The following CSAD variants were observed in gnomAD, a reference collection of about 807,000 sequenced individuals.
CSAD encodes the protein cysteine sulfinic acid decarboxylase.
Under a neutral mutation model 61.5 loss-of-function variants are expected in CSAD, and 47 were observed. The ratio of observed to expected loss-of-function variants is 0.76; its 90% CI spans 0.60 to 0.97. CSAD has a LOEUF of 0.97. Among genes scored for constraint, CSAD ranks in the 50% least tolerant of loss-of-function variants. The pLI is 0.00. For synonymous variants in CSAD, 245 were observed against 252.7 expected (o/e 0.97, Z 0.29); for missense variants, 611 against 643.6 (o/e 0.95, Z 0.55).
At chr12:53,169,112 G>T (rs922562155) in intron 10 of CSAD, among the ~76,000 whole-genome samples, 2 of 152,088 alleles carry the variant, frequency 1.3e-5, no homozygotes, top group Non-Finnish European at 2.9e-5. Context: ...CCCGGGAGGT[G>T]GAAGTTGCAG....
In CSAD at chr12:53,179,148, C is replaced by G. The variant is rs571764927; in HGVS notation, c.-90-6G>C. On this transcript the variant is annotated splice_polypyrimidine_tract_variant and splice_region_variant and intron_variant, in intron 1 of 16. Coordinates refer to ENST00000444623, the MANE Select transcript of CSAD (RefSeq NM_001244705.2). ...GATTACAGGTGTGAGCCACCCTGCCCGGAGCAAAAAGATAACTATTTAAGG... is the reference window on the plus strand; with the variant it reads ...GATTACAGGTGTGAGCCACCCTGCCGGGAGCAAAAAGATAACTATTTAAGG... 3 of 152,134 alleles carry G rather than the reference C, an allele frequency of 2.0e-5. No individual in the cohort carries two copies. Among genetic ancestry groups the G allele is most frequent in the East Asian group, 3.9e-4 (2 of 5,194 alleles). 9.4% of individuals were successfully genotyped at this position (152,134 alleles called of 1,614,324 possible).
At position 53,171,348 on chromosome 12, in the gene CSAD, A is replaced by G; in HGVS notation, c.545T>C (p.Leu182Pro). The G allele has an allele frequency of 1.2e-6, 2 of 1,614,084 alleles. No individual in the cohort carries two copies. Among genetic ancestry groups the G allele is most frequent in the Non-Finnish European group, 1.7e-6 (2 of 1,180,006 alleles). ...CACCTCCTTCGATGTGAATAGGGCCAGGGGCGGCAGTGTGCGGAGGCCCCT... is the reference window on the plus strand; with the variant it reads ...CACCTCCTTCGATGTGAATAGGGCCGGGGGCGGCAGTGTGCGGAGGCCCCT... ...KQRGLRTLPP[L>P]ALFTSKECHY... is the part of the protein sequence containing the mutation. The change falls in exon 8 of 17, where the codon CTG (leucine) becomes CCG (proline). Residue 182 changes from leucine (L) to proline (P), a missense_variant. By Grantham distance (98) the Leu-to-Pro change is moderately conservative. Coordinates refer to ENST00000444623, the MANE Select transcript of CSAD (RefSeq NM_001244705.2).
intron 1 of CSAD, chr12:53,179,760 G>A (rs778697531): frequency 1.3e-6 from 2 of 1,598,420 alleles, no homozygotes; most frequent in Non-Finnish European, 1.7e-6. Context: ...CTAAAGTCAC[G>A]ACATAATATC....
At position 53,171,403 on chromosome 12, in the gene CSAD, G is replaced by A. The variant is rs762943499; in HGVS notation, c.490C>T (p.Arg164Cys). The A allele has an allele frequency of 1.3e-5, 21 of 1,613,848 alleles. No individual in the cohort carries two copies. Among genetic ancestry groups the A allele is most frequent in the African/African-American group, 2.7e-5 (2 of 74,930 alleles). ...TTGCAATCCGGGTAGCGCTGATAGC[G>A]GGCCAGATTTACAGCATACATGTTG... The part of the protein sequence containing the change: ...ISNMYAVNLA[R>C]YQRYPDCKQR... Residue 164 changes from arginine to cysteine, a missense_variant, in exon 8 of 17, where the codon CGC (arginine) becomes TGC (cysteine). By Grantham distance (180) the Arg-to-Cys change is radical. Coordinates refer to ENST00000444623, the MANE Select transcript of CSAD (RefSeq NM_001244705.2).
chr12:53,180,742 G>T lies in CSAD; in HGVS notation c.-101C>A, dbSNP rs1033581622. On this transcript the variant is annotated 5_prime_UTR_variant, in exon 1 of 17. Transcript: ENST00000444623. Reference sequence around the variant, plus strand: ...TGTTTGTAAACTTGCCTCGGTCCCGGTGGGGGCAGCCGCGGCGGTGGGGTT... The same window carrying T: ...TGTTTGTAAACTTGCCTCGGTCCCGTTGGGGGCAGCCGCGGCGGTGGGGTT... 7 of 1,265,862 alleles carry T rather than the reference G, an allele frequency of 5.5e-6. No homozygotes were observed. In the African/African-American group the frequency reaches 9.5e-5, roughly 17 times the overall value. 78.4% of individuals were successfully genotyped at this position (1,265,862 alleles called of 1,614,324 possible). A position where few individuals can be genotyped will look rare whatever the true frequency, so the allele number is the denominator to read the frequency against.
Position 53,172,517 on chromosome 12 carries a change from C to A in CSAD, c.253+5G>T, listed in dbSNP as rs752831921. The A allele has an allele frequency of 6.2e-7, 1 of 1,614,128 alleles. No individual in the cohort carries two copies. Among genetic ancestry groups the A allele is most frequent in the Non-Finnish European group, 8.5e-7 (1 of 1,179,998 alleles). ...AGTCTCCTCCTCACAGAAGCCAGGG[C>A]CCACCAGTCTTGACACTGTAGCGAA... On this transcript the variant is annotated splice_donor_5th_base_variant and intron_variant, in intron 5 of 16. Transcript: ENST00000444623.
At position 53,173,462 on chromosome 12, in the gene CSAD, G is replaced by A. The variant is rs1261197302; in HGVS notation, c.9C>T (p.Asp3=). 2.5e-6 allele frequency: 4 copies of A among 1,614,170 alleles called. No homozygotes were observed. Among genetic ancestry groups the A allele is most frequent in the African/African-American group, 2.7e-5 (2 of 75,032 alleles). MA[D]SEALPSLAGD... Reference sequence around the variant, plus strand: ...CAGCAAGGGAGGGGAGTGCTTCTGAGTCAGCCATCAGGATCTGTGGCAGAG... The same window carrying A: ...CAGCAAGGGAGGGGAGTGCTTCTGAATCAGCCATCAGGATCTGTGGCAGAG... The change falls in exon 4 of 17, where the codon GAC becomes GAT. Residue 3 remains aspartate (D), a synonymous_variant. Coordinates refer to ENST00000444623, the MANE Select transcript of CSAD (RefSeq NM_001244705.2).
At position 53,160,211 on chromosome 12, in the gene CSAD, G is replaced by A. The variant is rs199797709; in HGVS notation, c.1075C>T (p.Arg359Cys). 7.4e-5 allele frequency: 120 copies of A among 1,614,056 alleles called. No homozygotes were observed. Among genetic ancestry groups the A allele is most frequent in the Non-Finnish European group, 7.8e-5 (92 of 1,180,040 alleles). Reference sequence around the variant, plus strand: ...AGCCACAGCTTCAGACAGTCCACACGGCGGCCACACTGCACCACCTTGTCT... The same window carrying A: ...AGCCACAGCTTCAGACAGTCCACACAGCGGCCACACTGCACCACCTTGTCT... ...TGDKVVQCGR[R>C]VDCLKLWLMW... The change falls in exon 14 of 17, where the codon CGT becomes TGT. Residue 359 changes from arginine (R) to cysteine (C), a missense_variant. Arg to Cys is a radical substitution (Grantham distance 180). Transcript: ENST00000444623.
intron 10 of CSAD, among the ~76,000 whole-genome samples, chr12:53,162,907 C>T (rs1193383614): frequency 6.6e-6 from 1 of 151,272 alleles, no homozygotes; most frequent in Non-Finnish European, 1.5e-5. Flanking sequence ...ACTAAAAATA[C>T]AAAATTAGCC....
In CSAD at chr12:53,160,237, C is replaced by T. The variant is rs1161950033; in HGVS notation, c.1049G>A (p.Gly350Glu). 3 of 1,614,232 alleles carry T rather than the reference C, an allele frequency of 1.9e-6. No homozygotes were observed. The highest frequency in any genetic ancestry group is 1.7e-6 in the Non-Finnish European group (2 of 1,180,038). ...GCGGCCACACTGCACCACCTTGTCTCCCGTGTCCAGAGCCACATCGTAGAA... is the reference window on the plus strand; with the variant it reads ...GCGGCCACACTGCACCACCTTGTCTTCCGTGTCCAGAGCCACATCGTAGAA... Reference protein sequence around the residue: ...DKFYDVALDTGDKVVQCGRRV... With the variant: ...DKFYDVALDTEDKVVQCGRRV... Residue 350 changes from glycine to glutamate, a missense_variant, in exon 14 of 17, where the codon GGA (glycine) becomes GAA (glutamate). Gly to Glu is a moderately conservative substitution (Grantham distance 98). Coordinates refer to ENST00000444623, the MANE Select transcript of CSAD (RefSeq NM_001244705.2).
At chr12:53,181,110 G>C (rs1202129080), upstream of CSAD, 10 of 950,760 alleles carry the variant, frequency 1.1e-5, no homozygotes, top group Non-Finnish European at 1.3e-5. Context: ...GCACTCTCCG[G>C]CTCTGCTCCC....
chr12:53,178,186 T>C (rs1397522712), intron 2 of CSAD, among the ~76,000 whole-genome samples: 1 of 152,084 alleles, frequency 6.6e-6, no homozygotes, highest in Non-Finnish European at 1.5e-5. Flanking sequence ...AAAATTTACA[T>C]ATCCGGCCAG....
chr12:53,175,033 T>A (rs528822479), intron 2 of CSAD, among the ~76,000 whole-genome samples: 1 of 152,308 alleles, frequency 6.6e-6, no homozygotes, highest in African/African-American at 2.4e-5. Flanking sequence ...AAACATTGAC[T>A]GAGTGTTGTC....
At chr12:53,171,177 C>G in intron 8 of CSAD, 149 bp downstream of exon 8, 1 of 1,208,062 alleles carries the variant, frequency 8.3e-7, no homozygotes, top group Non-Finnish European at 1.2e-6. Flanking sequence ...GTTACTTGAC[C>G]TCCTTGATTG....
intron 10 of CSAD, chr12:53,164,744 T>C (rs528094972): frequency 6.6e-6 from 1 of 152,240 alleles, no homozygotes; most frequent in East Asian, 1.9e-4. Flanking sequence ...TTCAAAAAAG[T>C]GAAAAGTCAA....
upstream of CSAD, chr12:53,181,087 C>T: frequency 3.4e-6 from 3 of 895,052 alleles, no homozygotes; most frequent in East Asian, 1.2e-4. Context: ...GCACGCATCT[C>T]GCGCGCTTCT....
chr12:53,160,627 G>C, intron 13 of CSAD, 136 bp downstream of exon 13: 1 of 793,572 alleles, frequency 1.3e-6, no homozygotes, highest in East Asian at 2.7e-5. Context: ...ATACAGGTTA[G>C]GGTGGTAGCT....
Position 53,171,967 on chromosome 12 carries a change from G to A in CSAD, c.366C>T (p.Pro122=), listed in dbSNP as rs753390766. Residue 122 remains proline, a synonymous_variant, in exon 7 of 17, where the codon CCC becomes CCT. Coordinates refer to ENST00000444623, the MANE Select transcript of CSAD (RefSeq NM_001244705.2). ...NTSQYTYEIA[P]VFVLMEEEVL... ...CCTCCTCTTCCATGAGCACAAACAC[G>A]GGGGCGATTTCATATGTGTACCTGC... 8.7e-6 allele frequency: 14 copies of A among 1,613,688 alleles called. No homozygotes were observed. The highest frequency in any genetic ancestry group is 1.1e-5 in the South Asian group (1 of 91,062).
chr12:53,169,921 C>T (rs955217530), intron 10 of CSAD, 151 bp downstream of exon 10: 94 of 688,676 alleles, frequency 1.4e-4, no homozygotes, highest in South Asian at 2.1e-4. Context: ...ATGTAGTGTC[C>T]TCACCCCCAG....
Sources: allele counts gnomAD v4.1 joint callset (sites outside exome capture counted in the v4.1 genomes callset), GRCh38; gene constraint gnomAD v4.1.1; transcripts MANE v1.5; gene names NCBI Gene and HGNC (gene_info 2026-07-23, HGNC 2026-07-21).